The following ERFL variants were observed in gnomAD, a reference collection of about 807,000 sequenced individuals.
ERFL encodes the protein ETS repressor factor like, also known as ETS domain-containing transcription factor ERF-like.
A neutral mutation model predicts 27.9 loss-of-function variants in ERFL; 8 were observed. The observed-to-expected ratio is 0.29, with a 90% CI of 0.17 to 0.52. The LOEUF (loss-of-function observed/expected upper bound fraction) is 0.52. Among genes scored for constraint, ERFL ranks in the 20% least tolerant of loss-of-function variants. ERFL has a pLI of 0.97. For missense variants in ERFL, 294 were observed against 444.4 expected (o/e 0.66, Z 3.04); for synonymous variants, 174 against 202.8 (o/e 0.86, Z 1.21).
chr19:41,920,537 C>A (rs1555852389), intron 1 of ERFL, among the ~76,000 whole-genome samples: 1 of 151,950 alleles, frequency 6.6e-6, no homozygotes, highest in African/African-American at 2.4e-5. Flanking sequence ...ATGATGCACT[C>A]ACAGACAGGA....
chr19:41,914,295 C>T (rs1296879617), intron 1 of ERFL, among the ~76,000 whole-genome samples: 3 of 151,030 alleles, frequency 2.0e-5, no homozygotes, highest in Non-Finnish European at 3.0e-5. Context: ...TCTCTCCGGT[C>T]ACTTGGTCTC....
chr19:41,921,481 C>G lies in ERFL; in HGVS notation c.-14+6559G>C, dbSNP rs556187392. Among the ~76,000 whole-genome samples, 2 of 151,856 alleles carry G rather than the reference C, an allele frequency of 1.3e-5. No individual in the cohort carries two copies. Among genetic ancestry groups the G allele is most frequent in the Admixed American group, 6.6e-5 (1 of 15,256 alleles). ...AAGCAGACTGGGAGCCACATGCACA[C>G]GCAGAGAGAAGAGAGAGACAGAGAC... On this transcript the variant is annotated intron_variant, in intron 1 of 5. Transcript: ENST00000597630. This position sits in a 1 kb window ranked among gnomAD's most constrained non-coding sequence, Gnocchi z 4.4.
intron 2 of ERFL, 137 bp downstream of exon 2, chr19:41,912,716 G>A: frequency 2.5e-6 from 1 of 401,644 alleles, no homozygotes; most frequent in Non-Finnish European, 4.4e-6. Flanking sequence ...GTTTGATTTG[G>A]GGGACTGACC....
Position 41,909,758 on chromosome 19 carries a change from C to T in ERFL, c.302+105G>A, listed in dbSNP as rs543080676. The stretch of plus-strand genomic sequence containing the variant: ...GTGGCTACTCACGCACAGCCCTGTG[C>T]CTTGTGGGATCCAGCAGGAACCTGC... On this transcript the variant is annotated intron_variant, in intron 3 of 5. Coordinates refer to ENST00000597630, the MANE Select transcript of ERFL (RefSeq NM_001365103.2). The surrounding 1 kb of genome is among the most constrained non-coding windows in gnomAD (Gnocchi z 5.2). 13 of 1,284,446 alleles carry T rather than the reference C, an allele frequency of 1.0e-5. No homozygotes were observed. Among genetic ancestry groups the T allele is most frequent in the African/African-American group, 1.5e-5 (1 of 67,308 alleles). The allele number at this position is 1,284,446 out of a possible 1,614,324, so 79.6% of individuals were successfully genotyped here.
At chr19:41,918,871 A>G (rs2074820446) in intron 1 of ERFL, among the ~76,000 whole-genome samples, 1 of 147,806 alleles carries the variant, frequency 6.8e-6, no homozygotes, top group East Asian at 2.0e-4. Context: ...CACACACCAC[A>G]TATCCACACA....
rs1374141805 is a variant in ERFL at position 41,909,808 on chromosome 19, A to T, written c.302+55T>A. Reference sequence around the variant, plus strand: ...CCCCAGGATGCAGAGGGGGCACCAGAGGGACAGTTGGGGGAAAAGGACAAG... The same window carrying T: ...CCCCAGGATGCAGAGGGGGCACCAGTGGGACAGTTGGGGGAAAAGGACAAG... On this transcript the variant is annotated intron_variant, in intron 3 of 5. Transcript: ENST00000597630. This position sits in a 1 kb window ranked among gnomAD's most constrained non-coding sequence, Gnocchi z 5.2. 1 of 1,512,506 alleles carries T rather than the reference A, an allele frequency of 6.6e-7. No individual in the cohort carries two copies. The highest frequency in any genetic ancestry group is 8.9e-7 in the Non-Finnish European group (1 of 1,124,756). 93.7% of individuals were successfully genotyped at this position (1,512,506 alleles called of 1,614,324 possible). A position where few individuals can be genotyped will look rare whatever the true frequency, so the allele number is the denominator to read the frequency against.
chr19:41,911,939 GAC>G (rs1230569951), intron 2 of ERFL, among the ~76,000 whole-genome samples: 1 of 151,556 alleles, frequency 6.6e-6, no homozygotes, highest in Non-Finnish European at 1.5e-5. Flanking sequence ...CTGAAAACCA[GAC>G]ACAGCCCCCA....
chr19:41,923,311 AG>A lies in ERFL; in HGVS notation c.-14+4728del, dbSNP rs1174008290. 8 of 385,630 alleles carry A rather than the reference AG, an allele frequency of 2.1e-5. No individual in the cohort carries two copies. In the Admixed American group the frequency reaches 2.5e-4, roughly 12 times the overall value. 23.9% of individuals were successfully genotyped at this position (385,630 alleles called of 1,614,324 possible). ...GGCCAGAGACAGAAAAGGAGGAAAG[AG>A]ACAAGACAAGGAGACAGACACAGAG... On this transcript the variant is annotated intron_variant, in intron 1 of 5. Transcript: ENST00000597630.
chr19:41,926,206 A>G (rs782180636), intron 1 of ERFL, among the ~76,000 whole-genome samples: 4 of 151,432 alleles, frequency 2.6e-5, no homozygotes, highest in Non-Finnish European at 5.9e-5. Context: ...AGGGGCAGGT[A>G]AGAGGGGACG....
At position 41,916,656 on chromosome 19, in the gene ERFL, A is replaced by G. The variant is rs62117431; in HGVS notation, c.-13-3724T>C. On this transcript the variant is annotated intron_variant, in intron 1 of 5. Transcript: ENST00000597630. This position sits in a 1 kb window ranked among gnomAD's most constrained non-coding sequence, Gnocchi z 5.4. The stretch of plus-strand genomic sequence containing the variant: ...CAACAGCACACAGAAACAGACACAC[A>G]GTCACACAACCAAGCACCACCGACC... 0.036 allele frequency among the ~76,000 whole-genome samples: 5,531 copies of G among 152,024 alleles called. 157 individuals are homozygous for G. Among genetic ancestry groups the G allele is most frequent in the Non-Finnish European group, 0.053 (3,598 of 67,960 alleles).
chr19:41,919,516 C>CAG (rs1310546905), intron 1 of ERFL, among the ~76,000 whole-genome samples: 1 of 149,424 alleles, frequency 6.7e-6, no homozygotes, highest in East Asian at 1.9e-4. Context: ...CACGCGTACA[C>CAG]ACACACACAC....
intron 1 of ERFL, among the ~76,000 whole-genome samples, chr19:41,923,965 G>A (rs2074857061): frequency 2.2e-5 from 2 of 92,472 alleles, no homozygotes; most frequent in Admixed American, 1.0e-4. Context: ...TGTGCTGGGG[G>A]GAGGTAGGGG....
rs1290054428 is a variant in ERFL at position 41,917,476 on chromosome 19, C to G, written c.-13-4544G>C. Among the ~76,000 whole-genome samples the G allele has an allele frequency of 1.4e-5, 2 of 147,810 alleles. No homozygotes were observed. The highest frequency in any genetic ancestry group is 3.0e-5 in the Non-Finnish European group (2 of 66,948). Reference sequence around the variant, plus strand: ...CCAGCCCCTTCATCCCTCACCCAGGCCCCCCCATCCCCACCTCCCCTTAAC... The same window carrying G: ...CCAGCCCCTTCATCCCTCACCCAGGGCCCCCCATCCCCACCTCCCCTTAAC... On this transcript the variant is annotated intron_variant, in intron 1 of 5. Transcript: ENST00000597630. The surrounding 1 kb of genome is among the most constrained non-coding windows in gnomAD (Gnocchi z 4.8).
chr19:41,927,421 C>G (rs539458785), intron 1 of ERFL, among the ~76,000 whole-genome samples: 1 of 152,194 alleles, frequency 6.6e-6, no homozygotes, highest in East Asian at 1.9e-4. Flanking sequence ...TTCGCAGACC[C>G]TTAGCTTTGA....
intron 1 of ERFL, among the ~76,000 whole-genome samples, chr19:41,925,608 G>A (rs1219748222): frequency 2.0e-5 from 3 of 152,142 alleles, no homozygotes; most frequent in Non-Finnish European, 4.4e-5. Flanking sequence ...GAGGGTACTA[G>A]TGTGTGGATT....
In ERFL at chr19:41,916,019, C is replaced by G. The variant is rs542627014; in HGVS notation, c.-13-3087G>C. 1.3e-5 allele frequency among the ~76,000 whole-genome samples: 2 copies of G among 152,070 alleles called. No homozygotes were observed. The highest frequency in any genetic ancestry group is 2.4e-5 in the African/African-American group (1 of 41,436). The stretch of plus-strand genomic sequence containing the variant: ...TAATTTTATTTTGCTTCCTCCACCC[C>G]CCCTTCGCCCCCCATCTCTACCGCC... On this transcript the variant is annotated intron_variant, in intron 1 of 5. Transcript: ENST00000597630. This position sits in a 1 kb window ranked among gnomAD's most constrained non-coding sequence, Gnocchi z 5.4.
rs2074740477 is a variant in ERFL, at chr19:41,909,429, C to T, written c.345G>A (p.Lys115=). 2 of 1,237,558 alleles carry T rather than the reference C, an allele frequency of 1.6e-6. No homozygotes were observed. Among genetic ancestry groups the T allele is most frequent in the Non-Finnish European group, 2.0e-6 (2 of 990,396 alleles). 76.7% of individuals were successfully genotyped at this position (1,237,558 alleles called of 1,614,324 possible). The part of the protein sequence containing the change: ...NKRILHKTKG[K]RFTYKFNFSK... Reference sequence around the variant, plus strand: ...TGAAGTTGAACTTGTAGGTGAACCTCTTCCCTTTGGTCTTGTGGAGAATCC... The same window carrying T: ...TGAAGTTGAACTTGTAGGTGAACCTTTTCCCTTTGGTCTTGTGGAGAATCC... The change falls in exon 4 of 6, where the codon AAG becomes AAA. Residue 115 remains lysine (K), a synonymous_variant. Coordinates refer to ENST00000597630, the MANE Select transcript of ERFL (RefSeq NM_001365103.2). This position sits in a 1 kb window ranked among gnomAD's most constrained non-coding sequence, Gnocchi z 5.2.
chr19:41,910,084 C>G lies in ERFL; in HGVS notation c.81G>C (p.Pro27=). The G allele has an allele frequency of 6.2e-7, 1 of 1,612,714 alleles. No individual in the cohort carries two copies. The highest frequency in any genetic ancestry group is 8.5e-7 in the Non-Finnish European group (1 of 1,179,700). Residue 27 remains proline, a synonymous_variant, in exon 3 of 6, where the codon CCG becomes CCC. Transcript: ENST00000597630. This position sits in a 1 kb window ranked among gnomAD's most constrained non-coding sequence, Gnocchi z 4.4. ...ATGACTCTGGCTTGTAGGCCCAATC[C>G]GGGAAGGCAAACCCTGGGGACGGGA... is the stretch of plus-strand genomic sequence containing the variant. ...PALWTPGFAF[P]DWAYKPESSP...
chr19:41,918,364 T>C (rs2074815058), intron 1 of ERFL, among the ~76,000 whole-genome samples: 1 of 140,932 alleles, frequency 7.1e-6, no homozygotes, highest in Non-Finnish European at 1.5e-5. Flanking sequence ...ACACACACCA[T>C]ACCACACACA....
Sources: gnomAD v4.1 joint callset for allele counts (sites outside exome capture counted in the v4.1 genomes callset) on GRCh38, gnomAD v4.1.1 for gene constraint, Gnocchi (gnomAD v3.1) non-coding constraint, MANE v1.5 for transcripts, NCBI Gene and HGNC (gene_info 2026-07-23, HGNC 2026-07-21) for gene names.